Variants in ABAT observed in about 807,000 individuals in gnomAD.
The protein encoded by ABAT is 4-aminobutyrate aminotransferase.
ABAT carries 45 observed loss-of-function variants against 64.6 expected under a neutral mutation model. The observed-to-expected ratio is 0.70, with a 90% CI of 0.55 to 0.89. The LOEUF (loss-of-function observed/expected upper bound fraction) is 0.89, where lower values mean the gene tolerates loss of function less well. ABAT is among the 40% of genes least tolerant of loss of function. ABAT has a pLI of 0.00. For missense variants in ABAT, 633 were observed against 658.4 expected, an observed-to-expected ratio of 0.96 and a Z score of 0.42; for synonymous variants, 297 against 250.5, an observed-to-expected ratio of 1.19 and a Z score of -1.75.
chr16:8,685,388 AC>A, intron 1 of ABAT, among the ~76,000 whole-genome samples: 1 of 151,616 alleles, frequency 6.6e-6, no homozygotes, highest in South Asian at 2.1e-4. Flanking sequence ...AAACAATGTT[AC>A]GCCGGGTGTG....
At chr16:8,732,584 A>T (rs2058763025) in intron 1 of ABAT, among the ~76,000 whole-genome samples, 1 of 151,756 alleles carries the variant, frequency 6.6e-6, no homozygotes, top group Non-Finnish European at 1.5e-5. Context: ...AAGTTTTCTT[A>T]GCACAGAACA....
At chr16:8,728,068 CAGAG>C (rs112812315) in intron 1 of ABAT, among the ~76,000 whole-genome samples, 12 of 150,554 alleles carry the variant, frequency 8.0e-5, no homozygotes, top group South Asian at 4.2e-4. Context: ...GAGACCCTGT[CAGAG>C]AGAGAGAGAG....
chr16:8,767,257 C>T (rs1027114448), intron 9 of ABAT, among the ~76,000 whole-genome samples: 1 of 152,216 alleles, frequency 6.6e-6, no homozygotes, highest in Non-Finnish European at 1.5e-5. Flanking sequence ...GACAGGGCGT[C>T]CATGCACCCC....
chr16:8,757,174 T>C, intron 5 of ABAT: 1 of 453,062 alleles, frequency 2.2e-6, no homozygotes, highest in Non-Finnish European at 4.4e-6. Flanking sequence ...TCCCTTTTTA[T>C]TTATTTATTT....
intron 6 of ABAT, 70 bp from the exon 7 acceptor site, chr16:8,763,999 A>C (rs1294188432): frequency 7.5e-7 from 1 of 1,334,448 alleles, no homozygotes; most frequent in Non-Finnish European, 1.1e-6. Flanking sequence ...GGCTATGAAA[A>C]GCACCATTTG....
At chr16:8,730,607 A>T (rs1201588569) in intron 1 of ABAT, among the ~76,000 whole-genome samples, 1 of 152,166 alleles carries the variant, frequency 6.6e-6, no homozygotes, top group Non-Finnish European at 1.5e-5. Context: ...ATATGCTGTC[A>T]TCACAGAAGC....
intron 1 of ABAT, among the ~76,000 whole-genome samples, chr16:8,693,404 A>G (rs1020541851): frequency 6.6e-6 from 1 of 152,096 alleles, no homozygotes; most frequent in East Asian, 1.9e-4. Flanking sequence ...AAATCCTCAT[A>G]TTAGTGGAGC....
At chr16:8,680,508 C>G (rs992702917) in intron 1 of ABAT, among the ~76,000 whole-genome samples, 2 of 151,578 alleles carry the variant, frequency 1.3e-5, no homozygotes, top group African/African-American at 2.4e-5. Flanking sequence ...TTACTGCAAC[C>G]TCTGCCTCCT....
chr16:8,676,346 C>T (rs930379227), intron 1 of ABAT, among the ~76,000 whole-genome samples: 3 of 152,030 alleles, frequency 2.0e-5, no homozygotes, highest in African/African-American at 7.2e-5. Context: ...GACAGCTGGC[C>T]CCAACCCCTC....
chr16:8,736,733 A>T (rs1027809795), intron 2 of ABAT: 1 of 152,096 alleles, frequency 6.6e-6, no homozygotes, highest in African/African-American at 2.4e-5. Context: ...GCTCAAGTGA[A>T]TCCTATTTTA....
chr16:8,782,989 T>C lies in ABAT; in HGVS notation c.*1559T>C, dbSNP rs2060474886. The C allele has an allele frequency of 6.6e-6, 1 of 152,162 alleles. No homozygotes were observed. Among genetic ancestry groups the C allele is most frequent in the Admixed American group, 6.5e-5 (1 of 15,272 alleles). The allele number at this position is 152,162 out of a possible 1,614,324, so 9.4% of individuals were successfully genotyped here. A position where few individuals can be genotyped will look rare whatever the true frequency, so the allele number is the denominator to read the frequency against. ...AGACTTGGTCATCGACCTATTTTTG[T>C]TGAAGAATGAAAGGCAATGACAAGT... On this transcript the variant is annotated 3_prime_UTR_variant, in exon 16 of 16. Transcript: ENST00000268251.
rs199548393 is a variant in ABAT at position 8,743,013 on chromosome 16, A to AG, written c.71-2988_71-2987insG. Among the ~76,000 whole-genome samples, 856 of 150,422 alleles carry AG rather than the reference A, an allele frequency of 5.7e-3. 10 individuals are homozygous for AG. Among genetic ancestry groups the AG allele is most frequent in the African/African-American group, 0.018 (747 of 41,120 alleles). ...TAGCGAGACCTCATTTCTTTAAAAA[A>AG]AAAAAAAAAAAAAAGTCATCGATAT... On this transcript the variant is annotated intron_variant, in intron 2 of 15. Coordinates refer to ENST00000268251, the MANE Select transcript of ABAT (RefSeq NM_020686.6).
intron 1 of ABAT, among the ~76,000 whole-genome samples, chr16:8,724,941 G>C (rs1288699894): frequency 6.8e-6 from 1 of 147,490 alleles, no homozygotes; most frequent in Admixed American, 6.7e-5. Context: ...TTTTGAGATG[G>C]AGTCTCACTC....
At chr16:8,700,260 A>G (rs184025088) in intron 1 of ABAT, among the ~76,000 whole-genome samples, 6 of 152,256 alleles carry the variant, frequency 3.9e-5, no homozygotes, top group Non-Finnish European at 8.8e-5. Context: ...AAAATTGCAA[A>G]ATTAATTTTG....
At chr16:8,682,604 C>T (rs1035813008) in intron 1 of ABAT, among the ~76,000 whole-genome samples, 28 of 98,182 alleles carry the variant, frequency 2.9e-4, no homozygotes, top group Non-Finnish European at 6.5e-4. Context: ...TGGACCAGCC[C>T]CCGACCCCTG....
chr16:8,680,439 G>C (rs900668230), intron 1 of ABAT, among the ~76,000 whole-genome samples: 2 of 151,798 alleles, frequency 1.3e-5, no homozygotes, highest in African/African-American at 4.8e-5. Flanking sequence ...TATTTTTTTG[G>C]GGGGCAGGGG....
intron 9 of ABAT, among the ~76,000 whole-genome samples, 165 bp from the exon 10 acceptor site, chr16:8,768,028 G>A (rs578207240): frequency 2.6e-5 from 4 of 152,088 alleles, no homozygotes; most frequent in East Asian, 3.9e-4. Flanking sequence ...CAAATAAAAC[G>A]TGTGTCTTGG....
chr16:8,728,702 C>T (rs1192550855), intron 1 of ABAT, among the ~76,000 whole-genome samples: 2 of 152,110 alleles, frequency 1.3e-5, no homozygotes, highest in Admixed American at 1.3e-4. Context: ...GGTAAAACCT[C>T]ATTTCTACTA....
intron 2 of ABAT, among the ~76,000 whole-genome samples, chr16:8,739,782 G>T (rs145977588): frequency 2.7e-4 from 41 of 151,834 alleles, no homozygotes; most frequent in Middle Eastern, 3.4e-3. Context: ...AATAGAAATG[G>T]CTAAATCACA....
Sources: gnomAD v4.1 joint callset for allele counts (sites outside exome capture counted in the v4.1 genomes callset) on GRCh38, gnomAD v4.1.1 for gene constraint, MANE v1.5 for transcripts, NCBI Gene and HGNC (gene_info 2026-07-23, HGNC 2026-07-21) for gene names.